The following AKR1C8 variants were observed in gnomAD, a reference collection of about 807,000 sequenced individuals.
The protein encoded by AKR1C8 is aldo-keto reductase family 1 member C8, also known as aldo-keto reductase family 1 member C-like protein 1.
the AKR1C8 span, among the ~76,000 whole-genome samples, chr10:5,173,521 C>T: frequency 6.6e-6 from 1 of 151,736 alleles, no homozygotes; most frequent in African/African-American, 2.4e-5. Context: ...AGGGGTTCAT[C>T]CAAGAAGAAA....
chr10:5,144,262 T>C, the AKR1C8 span, among the ~76,000 whole-genome samples: 3 of 152,154 alleles, frequency 2.0e-5, no homozygotes, highest in African/African-American at 7.2e-5. Flanking sequence ...TACCATGCTG[T>C]TTTGGTTACT....
At chr10:5,165,254 A>G in the AKR1C8 span, among the ~76,000 whole-genome samples, 4 of 152,230 alleles carry the variant, frequency 2.6e-5, no homozygotes, top group Middle Eastern at 3.4e-3. Flanking sequence ...TTCTTTATGA[A>G]GCAAATTAGT....
chr10:5,132,053 G>A, the AKR1C8 span, among the ~76,000 whole-genome samples: 6 of 152,222 alleles, frequency 3.9e-5, no homozygotes, highest in Non-Finnish European at 8.8e-5. Flanking sequence ...GGAGATTAAG[G>A]CCATTATTCT....
At chr10:5,121,107 T>C in the AKR1C8 span, among the ~76,000 whole-genome samples, 45 of 152,292 alleles carry the variant, frequency 3.0e-4, no homozygotes, top group Middle Eastern at 6.8e-3. Context: ...ATATAAAATC[T>C]CTGTCGGGTG....
the AKR1C8 span, chr10:5,160,852 T>G: frequency 2.1e-6 from 1 of 470,838 alleles, no homozygotes; most frequent in South Asian, 1.5e-5. Flanking sequence ...TAAAATAATC[T>G]CTCCACTGGC....
chr10:5,179,345 A>T, the AKR1C8 span, among the ~76,000 whole-genome samples: 5 of 152,164 alleles, frequency 3.3e-5, no homozygotes, highest in Non-Finnish European at 7.3e-5. Context: ...CTGCCGAGAG[A>T]TCTGCGTTAG....
At chr10:5,123,862 C>T in the AKR1C8 span, 5 of 1,567,600 alleles carry the variant, frequency 3.2e-6, no homozygotes, top group Non-Finnish European at 4.4e-6. Flanking sequence ...TAATATGAAA[C>T]AGTTATGTTA....
the AKR1C8 span, chr10:5,123,590 A>C: frequency 1.1e-6 from 1 of 935,594 alleles, no homozygotes; most frequent in Admixed American, 2.9e-5. Context: ...ATCTCGTCAG[A>C]AATGCAAATT....
At chr10:5,132,078 T>C in the AKR1C8 span, among the ~76,000 whole-genome samples, 4 of 152,120 alleles carry the variant, frequency 2.6e-5, no homozygotes, top group Admixed American at 2.6e-4. Context: ...AATTCAGGAA[T>C]GGAAAACCAA....
chr10:5,173,514 G>A, the AKR1C8 span, among the ~76,000 whole-genome samples: 1 of 151,614 alleles, frequency 6.6e-6, no homozygotes, highest in African/African-American at 2.4e-5. Flanking sequence ...ATAAAGAAGG[G>A]GTTCATCCAA....
At chr10:5,151,395 AC>A in the AKR1C8 span, among the ~76,000 whole-genome samples, 4 of 152,136 alleles carry the variant, frequency 2.6e-5, no homozygotes, top group Non-Finnish European at 5.9e-5. Flanking sequence ...GTTTCAAACT[AC>A]AAACTAAGTT....
At chr10:5,146,650 G>T in the AKR1C8 span, among the ~76,000 whole-genome samples, 1 of 152,206 alleles carries the variant, frequency 6.6e-6, no homozygotes, top group Admixed American at 6.5e-5. Flanking sequence ...GAATAGTTAT[G>T]GAAAACTATT....
At chr10:5,158,391 G>A in the AKR1C8 span, among the ~76,000 whole-genome samples, 1 of 152,240 alleles carries the variant, frequency 6.6e-6, no homozygotes, top group Non-Finnish European at 1.5e-5. Flanking sequence ...GGGGTTGGGA[G>A]TAAGTAGTCA....
the AKR1C8 span, among the ~76,000 whole-genome samples, chr10:5,125,003 G>T: frequency 6.6e-6 from 1 of 150,692 alleles, no homozygotes; most frequent in African/African-American, 2.4e-5. Context: ...AAAAAAAAAA[G>T]TTAACTTATC....
chr10:5,139,735 G>A, the AKR1C8 span, among the ~76,000 whole-genome samples: 2 of 152,056 alleles, frequency 1.3e-5, no homozygotes, highest in South Asian at 4.1e-4. Context: ...CAGGACATAG[G>A]CATGGGCAAG....
chr10:5,175,675 G>A, the AKR1C8 span, among the ~76,000 whole-genome samples: 1 of 152,308 alleles, frequency 6.6e-6, no homozygotes, highest in Middle Eastern at 3.4e-3. Context: ...ATTCTAACTG[G>A]TGTGAGATGG....
chr10:5,165,401 T>A, the AKR1C8 span, among the ~76,000 whole-genome samples: 1 of 152,150 alleles, frequency 6.6e-6, no homozygotes, highest in Non-Finnish European at 1.5e-5. Flanking sequence ...GGGATAGGAT[T>A]TTTTCTCCAT....
At chr10:5,165,677 CTTTATG>C in the AKR1C8 span, among the ~76,000 whole-genome samples, 1 of 152,098 alleles carries the variant, frequency 6.6e-6, no homozygotes, top group Non-Finnish European at 1.5e-5. Context: ...AAAAAGAGTA[CTTTATG>C]TTTAATAGTC....
the AKR1C8 span, among the ~76,000 whole-genome samples, chr10:5,171,875 G>C: frequency 6.6e-6 from 1 of 152,048 alleles, no homozygotes; most frequent in African/African-American, 2.4e-5. Context: ...ACATTCTTAT[G>C]CCTCCTTAAT....
Sources: allele counts gnomAD v4.1 joint callset (sites outside exome capture counted in the v4.1 genomes callset), GRCh38; gene constraint gnomAD v4.1.1; transcripts MANE v1.5; gene names NCBI Gene and HGNC (gene_info 2026-07-23, HGNC 2026-07-21).